The following CXADR variants were observed in gnomAD, a reference collection of about 807,000 sequenced individuals.
The protein encoded by CXADR is coxsackievirus and adenovirus receptor.
In CXADR, 20 loss-of-function variants were observed where a neutral mutation model predicts 40.3. That is an observed-to-expected ratio of 0.50 (90% CI 0.35 to 0.72). The LOEUF (loss-of-function observed/expected upper bound fraction) is 0.72, where lower values mean the gene tolerates loss of function less well. Among genes scored for constraint, CXADR ranks in the 30% least tolerant of loss-of-function variants. The probability of loss-of-function intolerance (pLI) is 0.01; values close to 1 mark genes in which losing one functional copy is unlikely to be tolerated. For missense variants in CXADR, 332 were observed against 449.1 expected, an observed-to-expected ratio of 0.74 and a Z score of 2.36; for synonymous variants, 150 against 161.3, an observed-to-expected ratio of 0.93 and a Z score of 0.53.
At position 17,569,813 on chromosome 21, in the gene CXADR, T is replaced by C. The variant is rs2095430773; in HGVS notation, c.*4121T>C. 8 of 985,408 alleles carry C rather than the reference T, an allele frequency of 8.1e-6. No homozygotes were observed. Among genetic ancestry groups the C allele is most frequent in the Non-Finnish European group, 9.6e-6 (8 of 829,882 alleles). The allele number at this position is 985,408 out of a possible 1,614,324, so 61.0% of individuals were successfully genotyped here. ...TTGTGTTTTCTGCTAACTTATTTAA[T>C]GACACAAGTTTTAAGAGAACCACAA... On this transcript the variant is annotated 3_prime_UTR_variant, in exon 7 of 7. Transcript: ENST00000284878.
rs137915025 is a variant in CXADR at position 17,521,443 on chromosome 21, G to A, written c.43+8271G>A. Among the ~76,000 whole-genome samples, 112 of 152,108 alleles carry A rather than the reference G, an allele frequency of 7.4e-4. 1 individual carries two copies. The highest frequency in any genetic ancestry group is 2.2e-3 in the African/African-American group (92 of 41,500). On this transcript the variant is annotated intron_variant, in intron 1 of 6. Transcript: ENST00000284878. ...GTTCAAGCGATTCTCCTGCCTCAGC[G>A]TCCCGAGTAGCTGGGAATACAGGTG...
At chr21:17,518,251 A>G (rs1294614415) in intron 1 of CXADR, among the ~76,000 whole-genome samples, 1 of 152,082 alleles carries the variant, frequency 6.6e-6, no homozygotes, top group Non-Finnish European at 1.5e-5. Context: ...AACATACACC[A>G]AAAATACCCC....
At chr21:17,524,848 G>A (rs778989789) in intron 1 of CXADR, among the ~76,000 whole-genome samples, 21 of 152,078 alleles carry the variant, frequency 1.4e-4, no homozygotes, top group Non-Finnish European at 2.6e-4. Flanking sequence ...GGTCAAGGCT[G>A]CAGTGAGCTA....
At chr21:17,519,998 C>T (rs1371535283) in intron 1 of CXADR, among the ~76,000 whole-genome samples, 1 of 151,890 alleles carries the variant, frequency 6.6e-6, no homozygotes, top group Non-Finnish European at 1.5e-5. Flanking sequence ...CACACGCACG[C>T]ACATGCACAC....
intron 1 of CXADR, among the ~76,000 whole-genome samples, chr21:17,536,760 A>G (rs1219305798): frequency 6.6e-6 from 1 of 151,566 alleles, no homozygotes; most frequent in Non-Finnish European, 1.5e-5. Flanking sequence ...TGCATTATTT[A>G]TTTTTTTTCT....
At chr21:17,513,363 T>C (rs2060416222) in intron 1 of CXADR, among the ~76,000 whole-genome samples, 191 bp downstream of exon 1, 1 of 151,706 alleles carries the variant, frequency 6.6e-6, no homozygotes, top group African/African-American at 2.4e-5. Flanking sequence ...AGCCGTCCCG[T>C]AGGGAGCCGC....
At chr21:17,613,433 A>G in the CXADR span, 1 of 152,306 alleles carries the variant, frequency 6.6e-6, no homozygotes, top group Non-Finnish European at 1.5e-5. Flanking sequence ...GCTGTAGTCA[A>G]TTACACGCAC....
chr21:17,630,936 G>A, the CXADR span, among the ~76,000 whole-genome samples: 24 of 152,126 alleles, frequency 1.6e-4, no homozygotes, highest in East Asian at 1.2e-3. Context: ...GCAGGGTGTC[G>A]AACAAGAAGA....
intron 1 of CXADR, among the ~76,000 whole-genome samples, chr21:17,530,675 G>A (rs1034665722): frequency 1.3e-5 from 2 of 152,066 alleles, no homozygotes; most frequent in East Asian, 1.9e-4. Context: ...TTAGCCGGGC[G>A]TGGTAATGCA....
chr21:17,513,461 C>A (rs1447385256), intron 1 of CXADR, among the ~76,000 whole-genome samples: 1 of 152,208 alleles, frequency 6.6e-6, no homozygotes, highest in Non-Finnish European at 1.5e-5. Context: ...GTGCGCCTCG[C>A]AGCTCTCCCA....
chr21:17,588,661 G>T (rs868067998), intron 7 of CXADR, among the ~76,000 whole-genome samples: 110 of 152,120 alleles, frequency 7.2e-4, no homozygotes, highest in African/African-American at 2.6e-3. Context: ...CTGTAATTCT[G>T]TTTCACTGGT....
At position 17,565,262 on chromosome 21, in the gene CXADR, T is replaced by A. The variant is rs560176330; in HGVS notation, c.834-166T>A. On this transcript the variant is annotated intron_variant, in intron 6 of 6. Transcript: ENST00000284878. ...ATACACAATTTATGACGTTATGGCTTGTGCTTTTTGCTTTTTTGTGACACA... is the reference window on the plus strand; with the variant it reads ...ATACACAATTTATGACGTTATGGCTAGTGCTTTTTGCTTTTTTGTGACACA... 3.8e-4 allele frequency among the ~76,000 whole-genome samples: 58 copies of A among 151,042 alleles called. No individual in the cohort carries two copies. The South Asian group carries it at 0.012, about 31-fold the overall frequency.
intron 2 of CXADR, among the ~76,000 whole-genome samples, 195 bp from the exon 3 acceptor site, chr21:17,551,554 G>T (rs1569116324): frequency 6.6e-6 from 1 of 152,132 alleles, no homozygotes; most frequent in Non-Finnish European, 1.5e-5. Flanking sequence ...TATACCCAAG[G>T]ATCACATTGA....
chr21:17,604,162 G>A, the CXADR span: 1 of 1,279,096 alleles, frequency 7.8e-7, no homozygotes, highest in Non-Finnish European at 1.0e-6. Flanking sequence ...AAAAGGAGGA[G>A]GCCGGGCGCA....
chr21:17,524,995 G>A (rs907097083), intron 1 of CXADR, among the ~76,000 whole-genome samples: 4 of 152,152 alleles, frequency 2.6e-5, no homozygotes, highest in Non-Finnish European at 5.9e-5. Flanking sequence ...TTGGTGGGGT[G>A]TTTGCAGAAG....
intron 1 of CXADR, among the ~76,000 whole-genome samples, chr21:17,528,493 C>A (rs532570411): frequency 9.9e-5 from 15 of 152,028 alleles, no homozygotes; most frequent in African/African-American, 3.6e-4. Flanking sequence ...GTAACCTCCA[C>A]CTCCCGGGTT....
downstream of CXADR, among the ~76,000 whole-genome samples, chr21:17,571,939 A>T (rs1047205636): frequency 6.6e-6 from 1 of 152,154 alleles, no homozygotes; most frequent in Admixed American, 6.5e-5. Flanking sequence ...GCCTAAGTCT[A>T]TGACTTCCAA....
chr21:17,624,848 C>T, the CXADR span, among the ~76,000 whole-genome samples: 1 of 152,086 alleles, frequency 6.6e-6, no homozygotes, highest in Non-Finnish European at 1.5e-5. Context: ...CGGTTAATTA[C>T]GAAGCTCATT....
At chr21:17,572,723 G>T (rs1265082350), downstream of CXADR, among the ~76,000 whole-genome samples, 1 of 149,508 alleles carries the variant, frequency 6.7e-6, no homozygotes, top group Non-Finnish European at 1.5e-5. Context: ...TTTTTCCCCT[G>T]GGCTTCACAA....
Sources: allele counts gnomAD v4.1 joint callset (sites outside exome capture counted in the v4.1 genomes callset), GRCh38; gene constraint gnomAD v4.1.1; transcripts MANE v1.5; gene names NCBI Gene and HGNC (gene_info 2026-07-23, HGNC 2026-07-21).